Variants in VOPP1 observed in about 807,000 individuals in gnomAD.
VOPP1 encodes the protein VOPP1 WW domain binding protein, also known as WW domain binding protein VOPP1.
VOPP1 carries 8 observed loss-of-function variants against 23.5 expected under a neutral mutation model. The observed-to-expected ratio is 0.34, with a 90% CI of 0.20 to 0.61. The LOEUF is 0.61. Ranked by LOEUF, VOPP1 falls within the 20% of genes least tolerant of loss-of-function variation. The probability of loss-of-function intolerance (pLI) is 0.78; values close to 1 mark genes in which losing one functional copy is unlikely to be tolerated. For synonymous variants in VOPP1, 83 were observed against 97.3 expected, an observed-to-expected ratio of 0.85 and a Z score of 0.86; for missense variants, 174 against 238.1, an observed-to-expected ratio of 0.73 and a Z score of 1.77.
At chr7:55,568,012 G>A (rs1230722742) in intron 1 of VOPP1, among the ~76,000 whole-genome samples, 1 of 151,258 alleles carries the variant, frequency 6.6e-6, no homozygotes, top group African/African-American at 2.4e-5. Context: ...AATACTCAGT[G>A]ATCTTATTAT....
chr7:55,461,472 C>T (rs545835414), intron 4 of VOPP1, among the ~76,000 whole-genome samples: 1 of 152,292 alleles, frequency 6.6e-6, no homozygotes, highest in South Asian at 2.1e-4. Context: ...AGTGCAGTGG[C>T]ACAATCTCAG....
intron 4 of VOPP1, among the ~76,000 whole-genome samples, chr7:55,477,389 T>C (rs1414486627): frequency 6.6e-6 from 1 of 152,198 alleles, no homozygotes; most frequent in African/African-American, 2.4e-5. Flanking sequence ...ATCTGGACTT[T>C]GGCGCTGCCA....
At chr7:55,479,223 T>C (rs898955924) in intron 4 of VOPP1, among the ~76,000 whole-genome samples, 2 of 152,016 alleles carry the variant, frequency 1.3e-5, no homozygotes, top group Non-Finnish European at 2.9e-5. Context: ...GTTACATATG[T>C]ATACGTGTGC....
chr7:55,540,443 A>AT (rs1797078092), intron 1 of VOPP1, among the ~76,000 whole-genome samples: 2 of 144,900 alleles, frequency 1.4e-5, no homozygotes, highest in African/African-American at 5.0e-5. Flanking sequence ...ATAAATAAAT[A>AT]AAAATAAATG....
At chr7:55,523,435 A>T (rs981642493) in intron 1 of VOPP1, among the ~76,000 whole-genome samples, 6 of 152,172 alleles carry the variant, frequency 3.9e-5, no homozygotes, top group African/African-American at 1.4e-4. Flanking sequence ...AAAGTTGATC[A>T]TAAGAACTGG....
chr7:55,539,131 G>A (rs1396943336), intron 1 of VOPP1, among the ~76,000 whole-genome samples: 1 of 152,018 alleles, frequency 6.6e-6, no homozygotes, highest in Non-Finnish European at 1.5e-5. Context: ...ATCACCTGAG[G>A]TCAGGAGTTC....
At chr7:55,556,219 C>CCTAG (rs974123111) in intron 1 of VOPP1, among the ~76,000 whole-genome samples, 1 of 152,162 alleles carries the variant, frequency 6.6e-6, no homozygotes, top group Non-Finnish European at 1.5e-5. Context: ...GTGCAGGCTA[C>CCTAG]CTAGCAAGGC....
chr7:55,458,766 G>A (rs1791429826), intron 4 of VOPP1, among the ~76,000 whole-genome samples: 2 of 152,014 alleles, frequency 1.3e-5, no homozygotes, highest in Non-Finnish European at 2.9e-5. Context: ...CAGTTGTAAG[G>A]GTTTTTCTTG....
chr7:55,450,730 T>C (rs1791222681), intron 4 of VOPP1, among the ~76,000 whole-genome samples: 4 of 152,256 alleles, frequency 2.6e-5, no homozygotes, highest in Admixed American at 2.6e-4. Context: ...TAAAGTAAGA[T>C]GCAAAATTCC....
At chr7:55,504,308 T>G (rs117295114) in intron 2 of VOPP1, among the ~76,000 whole-genome samples, 1,672 of 152,320 alleles carry the variant, frequency 0.011, 11 homozygotes, top group Middle Eastern at 0.02. Flanking sequence ...GGCTTCCCAA[T>G]TTAGAAGCAG....
intron 1 of VOPP1, among the ~76,000 whole-genome samples, chr7:55,569,402 A>G (rs1798274226): frequency 6.6e-6 from 1 of 152,186 alleles, no homozygotes; most frequent in African/African-American, 2.4e-5. Context: ...TAAGGGGAAT[A>G]CACTTTCCAG....
chr7:55,485,033 T>C (rs1372621692), intron 4 of VOPP1, among the ~76,000 whole-genome samples: 1 of 152,214 alleles, frequency 6.6e-6, no homozygotes, highest in African/African-American at 2.4e-5. Context: ...TGGAAACATT[T>C]TAAAACTGTG....
At chr7:55,529,102 G>A (rs972306494) in intron 1 of VOPP1, among the ~76,000 whole-genome samples, 3 of 152,120 alleles carry the variant, frequency 2.0e-5, no homozygotes, top group Non-Finnish European at 4.4e-5. Context: ...TCAATGGGCC[G>A]GGCACAGTGG....
Position 55,550,825 on chromosome 7 carries a change from G to A in VOPP1, c.54+21446C>T, listed in dbSNP as rs775861555. 5.3e-5 allele frequency among the ~76,000 whole-genome samples: 8 copies of A among 152,156 alleles called. No individual in the cohort carries two copies. The South Asian group carries it at 1.0e-3, about 20-fold the overall frequency. ...GAAGGAAAACATGACCTATTTTCGTGTCTGTATATTTTTCTACTTTCCAAT... is the reference window on the plus strand; with the variant it reads ...GAAGGAAAACATGACCTATTTTCGTATCTGTATATTTTTCTACTTTCCAAT... On this transcript the variant is annotated intron_variant, in intron 1 of 4. Transcript: ENST00000285279.
At chr7:55,481,590 C>T (rs1024917920) in intron 4 of VOPP1, among the ~76,000 whole-genome samples, 4 of 152,220 alleles carry the variant, frequency 2.6e-5, no homozygotes, top group Non-Finnish European at 4.4e-5. Context: ...GTCCTCCACT[C>T]CCACCTTTTT....
At chr7:55,503,569 A>T (rs1794510310) in intron 2 of VOPP1, among the ~76,000 whole-genome samples, 1 of 152,218 alleles carries the variant, frequency 6.6e-6, no homozygotes, top group Non-Finnish European at 1.5e-5. Context: ...GTTGCTATGG[A>T]TGGAAAGTGT....
chr7:55,563,663 T>C (rs2129056672), intron 1 of VOPP1, among the ~76,000 whole-genome samples: 1 of 152,364 alleles, frequency 6.6e-6, no homozygotes, highest in South Asian at 2.1e-4. Flanking sequence ...AAGGTAATTT[T>C]ATACAATATT....
chr7:55,568,150 G>A (rs1412029726), intron 1 of VOPP1, among the ~76,000 whole-genome samples: 5 of 131,174 alleles, frequency 3.8e-5, no homozygotes, highest in Admixed American at 1.9e-4. Context: ...CACAATCTCC[G>A]CTCACTGCAA....
intron 2 of VOPP1, among the ~76,000 whole-genome samples, chr7:55,511,041 A>AC (rs1353927767): frequency 6.6e-6 from 1 of 152,114 alleles, no homozygotes; most frequent in Non-Finnish European, 1.5e-5. Flanking sequence ...CTTGAGAGCA[A>AC]CCCCATCTCA....
Sources: gnomAD v4.1 joint callset for allele counts (sites outside exome capture counted in the v4.1 genomes callset) on GRCh38, gnomAD v4.1.1 for gene constraint, MANE v1.5 for transcripts, NCBI Gene and HGNC (gene_info 2026-07-23, HGNC 2026-07-21) for gene names.